Variants in HIBCH observed in about 807,000 individuals in gnomAD.
HIBCH encodes the protein 3-hydroxyisobutyryl-CoA hydrolase, mitochondrial.
HIBCH carries 50 observed loss-of-function variants against 58.2 expected under a neutral mutation model. The observed-to-expected ratio is 0.86, with a 90% CI of 0.68 to 1.09. HIBCH has a LOEUF of 1.09. Ranked by LOEUF, HIBCH falls within the 50% of genes least tolerant of loss-of-function variation. The probability of loss-of-function intolerance (pLI) is 0.00; values close to 1 mark genes in which losing one functional copy is unlikely to be tolerated. For synonymous variants in HIBCH, 151 were observed against 146.9 expected (o/e 1.03, Z -0.20); for missense variants, 450 against 449.7 (o/e 1.00, Z -0.01).
chr2:190,278,565 A>G (rs189498959), intron 6 of HIBCH, among the ~76,000 whole-genome samples: 49 of 152,282 alleles, frequency 3.2e-4, no homozygotes, highest in Non-Finnish European at 5.6e-4. Context: ...TGTGAAGAAC[A>G]GTCTTTGGGA....
chr2:190,191,057 G>A (rs995182428), intron 1 of HIBCH, among the ~76,000 whole-genome samples: 4 of 152,166 alleles, frequency 2.6e-5, no homozygotes, highest in Non-Finnish European at 5.9e-5. Context: ...ATGCCTTTGA[G>A]TCATCCATAT....
At chr2:190,259,966 G>T (rs1687043137) in intron 7 of HIBCH, among the ~76,000 whole-genome samples, 1 of 151,996 alleles carries the variant, frequency 6.6e-6, no homozygotes, top group Admixed American at 6.6e-5. Context: ...AAACTTAATT[G>T]GTAGAAGACT....
At chr2:190,242,032 C>A (rs1244476470) in intron 11 of HIBCH, among the ~76,000 whole-genome samples, 1 of 152,142 alleles carries the variant, frequency 6.6e-6, no homozygotes, top group South Asian at 2.1e-4. Context: ...TGGGGAAGTT[C>A]TCCTGCACAA....
intron 6 of HIBCH, among the ~76,000 whole-genome samples, chr2:190,284,256 T>C (rs762498035): frequency 3.3e-5 from 5 of 152,262 alleles, no homozygotes; most frequent in Non-Finnish European, 5.9e-5. Flanking sequence ...ATAAATATTC[T>C]TGGTTGTTAC....
chr2:190,309,481 ATTTAACT>A (rs1230775430), intron 2 of HIBCH, among the ~76,000 whole-genome samples: 9 of 152,168 alleles, frequency 5.9e-5, no homozygotes, highest in Non-Finnish European at 8.8e-5. Flanking sequence ...AACTTTGGAT[ATTTAACT>A]TTGCAAGGTA....
rs902190907 is a variant in HIBCH at position 190,216,410 on chromosome 2, G to C, written c.892-3335C>G. Among the ~76,000 whole-genome samples the C allele has an allele frequency of 6.6e-6, 1 of 152,218 alleles. No homozygotes were observed. The highest frequency in any genetic ancestry group is 2.4e-5 in the African/African-American group (1 of 41,464). ...TTTGTTGTTGTTTTACTGAGAGGCTGTAAGTCCACCACGGGCAGCTGTCAG... is the reference window on the plus strand; with the variant it reads ...TTTGTTGTTGTTTTACTGAGAGGCTCTAAGTCCACCACGGGCAGCTGTCAG... On this transcript the variant is annotated intron_variant, in intron 11 of 13. Transcript: ENST00000359678. The surrounding 1 kb of genome is among the most constrained non-coding windows in gnomAD (Gnocchi z 4.2).
In HIBCH at chr2:190,242,870, G is replaced by A. The variant is rs539504929; in HGVS notation, c.891+2017C>T. Among the ~76,000 whole-genome samples, 13 of 152,252 alleles carry A rather than the reference G, an allele frequency of 8.5e-5. No individual in the cohort carries two copies. In the South Asian group the frequency reaches 2.7e-3, roughly 32 times the overall value. ...TTACTGACTTCATATTGGCATTTAAGTACTGCTAACTTTATGTAATGGTAT... is the reference window on the plus strand; with the variant it reads ...TTACTGACTTCATATTGGCATTTAAATACTGCTAACTTTATGTAATGGTAT... On this transcript the variant is annotated intron_variant, in intron 11 of 13. Transcript: ENST00000359678.
intron 6 of HIBCH, among the ~76,000 whole-genome samples, chr2:190,272,462 G>A (rs1034672477): frequency 2.6e-5 from 4 of 152,066 alleles, no homozygotes; most frequent in African/African-American, 7.2e-5. Flanking sequence ...ATACTTTCAC[G>A]CCTCAATAAG....
At chr2:190,297,720 C>T (rs925083555) in intron 2 of HIBCH, among the ~76,000 whole-genome samples, 6 of 152,174 alleles carry the variant, frequency 3.9e-5, no homozygotes, top group African/African-American at 1.4e-4. Flanking sequence ...TCCCAGGACT[C>T]TGCTATACCC....
chr2:190,223,458 T>C (rs1253028565), intron 11 of HIBCH, among the ~76,000 whole-genome samples: 1 of 152,158 alleles, frequency 6.6e-6, no homozygotes, highest in Non-Finnish European at 1.5e-5. Context: ...TGATAAGTGG[T>C]AGTCACTCAA....
intron 11 of HIBCH, among the ~76,000 whole-genome samples, chr2:190,237,227 GT>G (rs1686299722): frequency 6.6e-6 from 1 of 152,162 alleles, no homozygotes; most frequent in African/African-American, 2.4e-5. Flanking sequence ...ACTCCAAAGA[GT>G]TCTCCTTACC....
rs892235776 is a variant in HIBCH, at chr2:190,243,091, G to A, written c.891+1796C>T. Among the ~76,000 whole-genome samples the A allele has an allele frequency of 6.6e-6, 1 of 152,152 alleles. No homozygotes were observed. Among genetic ancestry groups the A allele is most frequent in the African/African-American group, 2.4e-5 (1 of 41,426 alleles). ...CTGAAGGATACAAAGTATTGATCCT[G>A]GATGTGTCTGTGAGGGTGTTGCCAA... On this transcript the variant is annotated intron_variant, in intron 11 of 13. Coordinates refer to ENST00000359678, the MANE Select transcript of HIBCH (RefSeq NM_014362.4). The surrounding 1 kb of genome is among the most constrained non-coding windows in gnomAD (Gnocchi z 4.1).
chr2:190,195,996 T>C (rs1689957023), intron 1 of HIBCH, among the ~76,000 whole-genome samples: 1 of 149,150 alleles, frequency 6.7e-6, no homozygotes, highest in Non-Finnish European at 1.5e-5. Flanking sequence ...CCAGCACTCG[T>C]TGAAAAGACT....
intron 11 of HIBCH, among the ~76,000 whole-genome samples, chr2:190,232,672 A>G (rs1382708864): frequency 1.3e-5 from 2 of 152,158 alleles, no homozygotes; most frequent in Admixed American, 1.3e-4. Flanking sequence ...AAACATAATA[A>G]TAGAGGCCGG....
chr2:190,224,046 A>T (rs560659350), intron 11 of HIBCH, among the ~76,000 whole-genome samples: 1 of 152,056 alleles, frequency 6.6e-6, no homozygotes, highest in African/African-American at 2.4e-5. Context: ...AAATCAGGAC[A>T]CTCCCACCCT....
In HIBCH at chr2:190,236,629, T is replaced by C. The variant is rs557038901; in HGVS notation, c.891+8258A>G. Among the ~76,000 whole-genome samples the C allele has an allele frequency of 1.3e-5, 2 of 152,316 alleles. No homozygotes were observed. Among genetic ancestry groups the C allele is most frequent in the South Asian group, 4.1e-4 (2 of 4,834 alleles). ...ATATTTTCACCAATCTGAAATGTCA[T>C]ATTACTATATAAAGACCAAAACAGA... On this transcript the variant is annotated intron_variant, in intron 11 of 13. Transcript: ENST00000359678. The surrounding 1 kb of genome is among the most constrained non-coding windows in gnomAD (Gnocchi z 4.1).
chr2:190,307,170 C>T (rs1292948283), intron 2 of HIBCH, among the ~76,000 whole-genome samples: 1 of 152,106 alleles, frequency 6.6e-6, no homozygotes, highest in Non-Finnish European at 1.5e-5. Context: ...ATTAATAATT[C>T]TAGGACACCA....
intron 2 of HIBCH, among the ~76,000 whole-genome samples, chr2:190,297,847 T>C (rs2664257): frequency 0.97 from 147,954 of 151,994 alleles, 72,053 homozygotes; most frequent in Admixed American, 0.98. Context: ...ATCAACCTGT[T>C]ATCTAGGTTT....
intron 6 of HIBCH, among the ~76,000 whole-genome samples, chr2:190,265,078 G>C (rs1306517754): frequency 7.4e-6 from 1 of 135,808 alleles, no homozygotes; most frequent in Non-Finnish European, 1.5e-5. Flanking sequence ...AGTCAAGATT[G>C]TGCCACTGCA....
Sources: gnomAD v4.1 joint callset for allele counts (sites outside exome capture counted in the v4.1 genomes callset) on GRCh38, gnomAD v4.1.1 for gene constraint, Gnocchi (gnomAD v3.1) non-coding constraint, MANE v1.5 for transcripts, NCBI Gene and HGNC (gene_info 2026-07-23, HGNC 2026-07-21) for gene names.